CEP128: variants seen among roughly 807,000 people sequenced by gnomAD.
CEP128 encodes centrosomal protein 128, also known as centrosomal protein 128kDa.
Under a neutral mutation model 156.7 loss-of-function variants are expected in CEP128, and 132 were observed. The ratio of observed to expected loss-of-function variants is 0.84; its 90% CI spans 0.73 to 0.97. CEP128 has a LOEUF of 0.97. CEP128 is among the 50% of genes least tolerant of loss of function. The probability of loss-of-function intolerance (pLI) is 0.00; values close to 1 mark genes in which losing one functional copy is unlikely to be tolerated. For missense variants in CEP128, 1,252 were observed against 1,281.9 expected, an observed-to-expected ratio of 0.98 and a Z score of 0.36; for synonymous variants, 469 against 448.9, an observed-to-expected ratio of 1.04 and a Z score of -0.57.
chr14:80,637,090 A>AC (rs1393323737), intron 19 of CEP128, among the ~76,000 whole-genome samples: 7 of 131,384 alleles, frequency 5.3e-5, no homozygotes, highest in African/African-American at 2.1e-4. Flanking sequence ...CCGTCTTTAA[A>AC]AAAAAAAAAA....
At chr14:80,859,583 A>G (rs1471798672) in intron 9 of CEP128, among the ~76,000 whole-genome samples, 2 of 151,980 alleles carry the variant, frequency 1.3e-5, no homozygotes, top group African/African-American at 2.4e-5. Flanking sequence ...AAAAAGAAAG[A>G]AAATCTGGCA....
intron 13 of CEP128, among the ~76,000 whole-genome samples, chr14:80,829,455 G>A (rs548784848): frequency 6.6e-6 from 1 of 152,120 alleles, no homozygotes; most frequent in East Asian, 1.9e-4. Context: ...ATGTTGCCTA[G>A]GCTGGAGTGC....
chr14:80,947,405 G>T (rs1004781218), intron 2 of CEP128, among the ~76,000 whole-genome samples: 3 of 152,068 alleles, frequency 2.0e-5, no homozygotes, highest in Non-Finnish European at 2.9e-5. Flanking sequence ...TTTTCTTCCT[G>T]GATTTTGCAT....
At chr14:80,803,588 T>C (rs1378155676) in intron 13 of CEP128, among the ~76,000 whole-genome samples, 1 of 152,100 alleles carries the variant, frequency 6.6e-6, no homozygotes, top group East Asian at 1.9e-4. Context: ...CAAAGTTCCC[T>C]TAATACCAGT....
At chr14:80,509,894 A>G (rs2888003) in intron 23 of CEP128, among the ~76,000 whole-genome samples, 117,740 of 152,098 alleles carry the variant, frequency 0.77, 47,822 homozygotes, top group Middle Eastern at 0.9. Flanking sequence ...CTTTTCCCCA[A>G]TGTATGTTCT....
At chr14:80,576,649 G>GTGTGTGTC (rs1555376595) in intron 20 of CEP128, among the ~76,000 whole-genome samples, 88 of 127,284 alleles carry the variant, frequency 6.9e-4, no homozygotes, top group African/African-American at 2.3e-3. Context: ...GTGTGTGTGT[G>GTGTGTGTC]TGTGTCTGTG....
chr14:80,735,424 T>A (rs1898481955), intron 19 of CEP128, among the ~76,000 whole-genome samples: 1 of 152,190 alleles, frequency 6.6e-6, no homozygotes, highest in Admixed American at 6.5e-5. Context: ...TATCTCAATA[T>A]ATTTCAAGGT....
At chr14:80,522,804 G>A (rs1460063452) in intron 23 of CEP128, among the ~76,000 whole-genome samples, 5 of 152,212 alleles carry the variant, frequency 3.3e-5, no homozygotes, top group Admixed American at 1.3e-4. Flanking sequence ...CTTGATGAAA[G>A]AGAGGCCATG....
intron 20 of CEP128, among the ~76,000 whole-genome samples, chr14:80,571,077 C>T (rs965085919): frequency 6.6e-6 from 1 of 152,148 alleles, no homozygotes; most frequent in African/African-American, 2.4e-5. Flanking sequence ...GCAGTCAATA[C>T]CACTGCGGAA....
At chr14:80,848,168 T>A (rs1335632887) in intron 9 of CEP128, among the ~76,000 whole-genome samples, 1 of 152,162 alleles carries the variant, frequency 6.6e-6, no homozygotes, top group Non-Finnish European at 1.5e-5. Context: ...GAGTGTTTTA[T>A]CTATGATAGT....
intron 19 of CEP128, among the ~76,000 whole-genome samples, chr14:80,730,685 T>A (rs989511684): frequency 6.6e-6 from 1 of 152,222 alleles, no homozygotes; most frequent in Admixed American, 6.5e-5. Context: ...CTACAAAGAC[T>A]AATTTGTGCT....
intron 9 of CEP128, among the ~76,000 whole-genome samples, chr14:80,844,473 A>G (rs1775545527): frequency 6.6e-6 from 1 of 152,170 alleles, no homozygotes; most frequent in African/African-American, 2.4e-5. Context: ...CTTGAGGGAT[A>G]TCAAAGTAAG....
At chr14:80,942,506 T>C (rs372585703), upstream of CEP128, 4 of 152,338 alleles carry the variant, frequency 2.6e-5, no homozygotes, top group Admixed American at 6.5e-5. Flanking sequence ...TCATATGAAT[T>C]GCCCTTCTTC....
At chr14:80,836,731 T>C (rs1419591113) in intron 11 of CEP128, among the ~76,000 whole-genome samples, 1 of 152,258 alleles carries the variant, frequency 6.6e-6, no homozygotes, top group Non-Finnish European at 1.5e-5. Flanking sequence ...TGATTTAGCA[T>C]ATTTTGATAC....
rs953629919 is a variant in CEP128, at chr14:80,852,658, TA to T, written c.762+10098del. On this transcript the variant is annotated intron_variant, in intron 9 of 24. Coordinates refer to ENST00000555265, the MANE Select transcript of CEP128 (RefSeq NM_152446.5). ...ACAGGCTATACAACCCAATAAACAT[TA>T]AAAAAAATTAGTAATCTGCAGCACC... 4.4e-4 allele frequency among the ~76,000 whole-genome samples: 66 copies of T among 151,616 alleles called. 1 individual carries two copies. The highest frequency in any genetic ancestry group is 1.2e-3 in the African/African-American group (49 of 41,334).
intron 19 of CEP128, among the ~76,000 whole-genome samples, chr14:80,699,956 C>T (rs190001610): frequency 5.7e-4 from 87 of 152,238 alleles, no homozygotes; most frequent in Admixed American, 1.2e-3. Context: ...CTAACAACCT[C>T]TACTACAGGG....
chr14:80,545,943 G>A (rs1438183202), intron 21 of CEP128, among the ~76,000 whole-genome samples: 1 of 152,150 alleles, frequency 6.6e-6, no homozygotes, highest in Non-Finnish European at 1.5e-5. Context: ...GGGGGTGAGG[G>A]TGTGTTGAAC....
At chr14:80,647,399 AT>A (rs921804329) in intron 19 of CEP128, among the ~76,000 whole-genome samples, 3 of 151,320 alleles carry the variant, frequency 2.0e-5, no homozygotes, top group Admixed American at 6.6e-5. Context: ...TAGTCTAATA[AT>A]TTTTTTTCTC....
At chr14:80,849,175 CAT>C (rs1285600913) in intron 9 of CEP128, among the ~76,000 whole-genome samples, 2 of 152,058 alleles carry the variant, frequency 1.3e-5, no homozygotes, top group Non-Finnish European at 2.9e-5. Context: ...ATAAAGGAAA[CAT>C]ATAAAGGTTT....
Sources: allele counts gnomAD v4.1 joint callset (sites outside exome capture counted in the v4.1 genomes callset), GRCh38; gene constraint gnomAD v4.1.1; transcripts MANE v1.5; gene names NCBI Gene and HGNC (gene_info 2026-07-23, HGNC 2026-07-21).